Variants in ARHGEF7 observed in about 807,000 individuals in gnomAD.
ARHGEF7 encodes the protein Rho guanine nucleotide exchange factor 7, also known as PAK-interacting exchange factor beta.
A neutral mutation model predicts 109.8 loss-of-function variants in ARHGEF7; 33 were observed. The observed-to-expected ratio is 0.30, with a 90% CI of 0.23 to 0.40. ARHGEF7 has a LOEUF of 0.40. Ranked by LOEUF, ARHGEF7 falls within the 10% of genes least tolerant of loss-of-function variation. The pLI, the probability that ARHGEF7 is intolerant of heterozygous loss-of-function variation, is 1.00. For synonymous variants in ARHGEF7, 458 were observed against 424.6 expected (o/e 1.08, Z -0.97); for missense variants, 938 against 1,098.5 (o/e 0.85, Z 2.07).
chr13:111,140,276 G>A (rs367967962), intron 1 of ARHGEF7, among the ~76,000 whole-genome samples: 40 of 152,316 alleles, frequency 2.6e-4, no homozygotes, highest in African/African-American at 9.1e-4. Flanking sequence ...GAGAGATTCT[G>A]TAAACATCAC....
intron 2 of ARHGEF7, 53 bp from the exon 3 acceptor site, chr13:111,205,236 C>G (rs369103032): frequency 1.7e-4 from 238 of 1,436,094 alleles, no homozygotes; most frequent in Non-Finnish European, 2.7e-5. Flanking sequence ...TTAGTTCATC[C>G]TGCACCCAAC....
At chr13:111,244,159 A>G (rs755131869) in intron 7 of ARHGEF7, 40 bp from the exon 8 acceptor site, 1 of 1,452,030 alleles carries the variant, frequency 6.9e-7, no homozygotes, top group South Asian at 1.2e-5. Context: ...TATAAATAAA[A>G]CTGTTTACAT....
At position 111,294,132 on chromosome 13, in the gene ARHGEF7, G is replaced by A. The variant is rs979787732; in HGVS notation, c.2311+1838G>A. The A allele has an allele frequency of 3.0e-6, 3 of 985,232 alleles. No homozygotes were observed. In the African/African-American group the frequency reaches 5.2e-5, roughly 17 times the overall value. 61.0% of individuals were successfully genotyped at this position (985,232 alleles called of 1,614,324 possible). A position where few individuals can be genotyped will look rare whatever the true frequency, so the allele number is the denominator to read the frequency against. ...CAGTGTTAATCTCCGGCAGAGATGG[G>A]GTTTATGTATGTTCAGCCAGATAGT... On this transcript the variant is annotated intron_variant, in intron 19 of 21. Transcript: ENST00000646102.
chr13:111,235,374 C>A (rs921750861), intron 6 of ARHGEF7, among the ~76,000 whole-genome samples: 2 of 152,176 alleles, frequency 1.3e-5, no homozygotes, highest in African/African-American at 4.8e-5. Context: ...ATAGTCGATA[C>A]CTTTTTCGTT....
At chr13:111,289,330 G>A (rs964983406) in intron 18 of ARHGEF7, among the ~76,000 whole-genome samples, 5 of 152,172 alleles carry the variant, frequency 3.3e-5, no homozygotes, top group East Asian at 1.9e-4. Context: ...CACAGTGCTC[G>A]GCCCTAAGGT....
intron 10 of ARHGEF7, 109 bp downstream of exon 10, chr13:111,274,061 C>A: frequency 7.6e-7 from 1 of 1,311,318 alleles, no homozygotes; most frequent in Non-Finnish European, 1.0e-6. Context: ...AAGCCAGAAC[C>A]AACAGAGTTT....
At chr13:111,132,450 C>T (rs1178470982) in intron 1 of ARHGEF7, among the ~76,000 whole-genome samples, 1 of 152,194 alleles carries the variant, frequency 6.6e-6, no homozygotes, top group Non-Finnish European at 1.5e-5. Context: ...CTCTGTTTTG[C>T]AGGTGACATT....
chr13:111,187,839 A>T (rs890432720), intron 2 of ARHGEF7, among the ~76,000 whole-genome samples: 20 of 152,238 alleles, frequency 1.3e-4, no homozygotes, highest in African/African-American at 4.8e-4. Flanking sequence ...TGGCTGTGAC[A>T]TCTGACATCC....
intron 5 of ARHGEF7, among the ~76,000 whole-genome samples, chr13:111,223,793 T>C (rs2153510063): frequency 6.6e-6 from 1 of 152,312 alleles, no homozygotes; most frequent in East Asian, 1.9e-4. Flanking sequence ...GGTAAATAAT[T>C]GTCACTTAGC....
At chr13:111,260,812 A>T (rs1212582882) in intron 8 of ARHGEF7, among the ~76,000 whole-genome samples, 1 of 152,244 alleles carries the variant, frequency 6.6e-6, no homozygotes. Context: ...GTAAGATATA[A>T]GTAGAAACAA....
intron 13 of ARHGEF7, among the ~76,000 whole-genome samples, chr13:111,278,745 T>C (rs182832826): frequency 6.6e-6 from 1 of 152,358 alleles, no homozygotes; most frequent in Admixed American, 6.5e-5. Flanking sequence ...CTCTGTCCTT[T>C]CTGGTCAGCA....
chr13:111,270,166 G>T (rs1436393057), intron 9 of ARHGEF7, among the ~76,000 whole-genome samples: 1 of 152,226 alleles, frequency 6.6e-6, no homozygotes, highest in Non-Finnish European at 1.5e-5. Context: ...TCCATGGCCA[G>T]CTATTTTGAA....
At chr13:111,178,361 G>C (rs11618668) in intron 2 of ARHGEF7, among the ~76,000 whole-genome samples, 1 of 152,034 alleles carries the variant, frequency 6.6e-6, no homozygotes, top group Non-Finnish European at 1.5e-5. Context: ...TTTAAAAATA[G>C]CATTCTTATC....
chr13:111,233,058 C>A (rs1450636232), intron 5 of ARHGEF7, 147 bp from the exon 6 acceptor site: 4 of 665,498 alleles, frequency 6.0e-6, no homozygotes. Context: ...CACTGAGGGT[C>A]ACTGTGGATG....
chr13:111,252,455 G>A (rs55808601), intron 8 of ARHGEF7, among the ~76,000 whole-genome samples: 16,575 of 152,264 alleles, frequency 0.11, 1,223 homozygotes, highest in Middle Eastern at 0.2. Flanking sequence ...CTTCCTAGAT[G>A]TCCAGTACAG....
intron 19 of ARHGEF7, chr13:111,295,162 T>A (rs769568807): frequency 1.0e-6 from 1 of 985,822 alleles, no homozygotes; most frequent in Non-Finnish European, 1.2e-6. Flanking sequence ...AAACCTGTTA[T>A]GTACAGTTGA....
chr13:111,141,856 T>G (rs1048724701), intron 1 of ARHGEF7, among the ~76,000 whole-genome samples: 1 of 152,218 alleles, frequency 6.6e-6, no homozygotes, highest in South Asian at 2.1e-4. Context: ...AGGAGCACAA[T>G]TGCTGGATCA....
At chr13:111,122,365 C>T (rs539976660) in intron 1 of ARHGEF7, among the ~76,000 whole-genome samples, 14 of 152,358 alleles carry the variant, frequency 9.2e-5, no homozygotes, top group African/African-American at 3.4e-4. Flanking sequence ...TGGGGCCGCC[C>T]CGGTCCGACT....
chr13:111,213,453 G>A (rs2082740627), intron 4 of ARHGEF7, among the ~76,000 whole-genome samples: 6 of 152,226 alleles, frequency 3.9e-5, no homozygotes, highest in African/African-American at 1.4e-4. Context: ...TCCCGTGTAA[G>A]CACCCAGATG....
Sources: gnomAD v4.1 joint callset for allele counts (sites outside exome capture counted in the v4.1 genomes callset) on GRCh38, gnomAD v4.1.1 for gene constraint, MANE v1.5 for transcripts, NCBI Gene and HGNC (gene_info 2026-07-23, HGNC 2026-07-21) for gene names.